Variants in CDK8 observed in about 807,000 individuals in gnomAD.
The protein encoded by CDK8 is cyclin dependent kinase 8, also known as cyclin-dependent kinase 8.
CDK8 carries 29 observed loss-of-function variants against 71.5 expected under a neutral mutation model. The ratio of observed to expected loss-of-function variants is 0.41; its 90% CI spans 0.30 to 0.55. CDK8 has a LOEUF of 0.55. Ranked by LOEUF, CDK8 falls within the 20% of genes least tolerant of loss-of-function variation. The probability of loss-of-function intolerance (pLI) is 0.37; values close to 1 mark genes in which losing one functional copy is unlikely to be tolerated. For missense variants in CDK8, 288 were observed against 572.6 expected, an observed-to-expected ratio of 0.50 and a Z score of 5.07; for synonymous variants, 161 against 192.1, an observed-to-expected ratio of 0.84 and a Z score of 1.34.
chr13:26,323,936 A>G (rs1300343815), intron 1 of CDK8, among the ~76,000 whole-genome samples: 2 of 152,180 alleles, frequency 1.3e-5, no homozygotes, highest in Non-Finnish European at 2.9e-5. Flanking sequence ...CATAGGAAAT[A>G]CACATGCTGT....
At chr13:26,315,863 T>C (rs1313000614) in intron 1 of CDK8, among the ~76,000 whole-genome samples, 1 of 152,244 alleles carries the variant, frequency 6.6e-6, no homozygotes, top group Non-Finnish European at 1.5e-5. Context: ...CTTGTCTCTT[T>C]CTATGAAACC....
At chr13:26,355,729 A>G in intron 4 of CDK8, among the ~76,000 whole-genome samples, 1 of 152,196 alleles carries the variant, frequency 6.6e-6, no homozygotes, top group Non-Finnish European at 1.5e-5. Flanking sequence ...AAGTTAGGGA[A>G]AAACATTTCT....
chr13:26,333,260 T>C (rs1170713188), intron 1 of CDK8, among the ~76,000 whole-genome samples: 2 of 152,062 alleles, frequency 1.3e-5, no homozygotes, highest in Middle Eastern at 6.8e-3. Context: ...CTACCTCAGC[T>C]TCCTGAGTAG....
intron 3 of CDK8, among the ~76,000 whole-genome samples, chr13:26,350,826 G>A (rs1873651554): frequency 6.6e-6 from 1 of 152,128 alleles, no homozygotes; most frequent in Middle Eastern, 3.2e-3. Flanking sequence ...TGTCTGAGTA[G>A]CTGAAATACA....
rs147005277 is a variant in CDK8, at chr13:26,314,992, G to A, written c.129-22575G>A. Among the ~76,000 whole-genome samples the A allele has an allele frequency of 8.1e-4, 123 of 151,512 alleles. 3 individuals carry two copies. The East Asian group carries it at 0.017, about 20-fold the overall frequency. On this transcript the variant is annotated intron_variant, in intron 1 of 12. Coordinates refer to ENST00000381527, the MANE Select transcript of CDK8 (RefSeq NM_001260.3). Reference sequence around the variant, plus strand: ...GGAGATATTAATGTCTTTTTTTTCAGTAGAGAATCTAAATTGATTTATCCC... The same window carrying A: ...GGAGATATTAATGTCTTTTTTTTCAATAGAGAATCTAAATTGATTTATCCC...
At chr13:26,351,069 T>A (rs1271997965) in intron 3 of CDK8, among the ~76,000 whole-genome samples, 1 of 152,142 alleles carries the variant, frequency 6.6e-6, no homozygotes, top group South Asian at 2.1e-4. Flanking sequence ...GACATTCTTA[T>A]CAATCTGTAT....
chr13:26,375,427 A>G (rs946094997), intron 4 of CDK8, among the ~76,000 whole-genome samples: 1 of 152,210 alleles, frequency 6.6e-6, no homozygotes, highest in African/African-American at 2.4e-5. Flanking sequence ...AAGATAGCCT[A>G]TCACTCTTAA....
chr13:26,397,149 T>C lies in CDK8; in HGVS notation c.861-4T>C. The C allele has an allele frequency of 6.5e-7, 1 of 1,547,406 alleles. No individual in the cohort carries two copies. Among genetic ancestry groups the C allele is most frequent in the South Asian group, 1.1e-5 (1 of 88,658 alleles). On this transcript the variant is annotated splice_polypyrimidine_tract_variant and splice_region_variant and intron_variant, in intron 8 of 12. Transcript: ENST00000381527. The stretch of plus-strand genomic sequence containing the variant: ...ATAGCTATTTCATAGTATTTCTCTT[T>C]CAGGTATACCAACTGCAGCCTTATC...
chr13:26,287,796 A>G (rs1873091922), intron 1 of CDK8, among the ~76,000 whole-genome samples: 1 of 152,226 alleles, frequency 6.6e-6, no homozygotes, highest in Non-Finnish European at 1.5e-5. Flanking sequence ...TAATAATACC[A>G]TATGACATGT....
chr13:26,391,773 A>T (rs775591753), intron 6 of CDK8, among the ~76,000 whole-genome samples: 1 of 152,228 alleles, frequency 6.6e-6, no homozygotes, highest in African/African-American at 2.4e-5. Context: ...TGGTTCTCTG[A>T]TATGTAAATA....
At chr13:26,283,436 C>T (rs546219174) in intron 1 of CDK8, among the ~76,000 whole-genome samples, 37 of 151,336 alleles carry the variant, frequency 2.4e-4, no homozygotes, top group African/African-American at 8.5e-4. Context: ...GGTGAAACTC[C>T]GTCTCTACTA....
intron 9 of CDK8, 124 bp from the exon 10 acceptor site, chr13:26,400,329 G>A: frequency 1.5e-6 from 1 of 660,138 alleles, no homozygotes; most frequent in Non-Finnish European, 2.7e-6. Flanking sequence ...TTGTTAATTT[G>A]GGGGAATAAA....
At chr13:26,389,136 G>C (rs191252827) in intron 6 of CDK8, among the ~76,000 whole-genome samples, 407 of 152,176 alleles carry the variant, frequency 2.7e-3, no homozygotes, top group Non-Finnish European at 4.8e-3. Context: ...TCGTCTCTTT[G>C]ATCTCTCTAA....
rs1165747881 is a variant in CDK8, at chr13:26,254,147, G to C, written c.-495G>C. Reference sequence around the variant, plus strand: ...TCTCTTTGAGGAGGTACCGGCTGTTGTGCGGCTCTGCCCTTCTGTTTGAGT... The same window carrying C: ...TCTCTTTGAGGAGGTACCGGCTGTTCTGCGGCTCTGCCCTTCTGTTTGAGT... On this transcript the variant is annotated 5_prime_UTR_variant, in exon 1 of 13. Transcript: ENST00000381527. The surrounding 1 kb of genome is among the most constrained non-coding windows in gnomAD (Gnocchi z 6.7). The C allele has an allele frequency of 4.3e-6, 1 of 231,376 alleles. No homozygotes were observed. Among genetic ancestry groups the C allele is most frequent in the Non-Finnish European group, 8.6e-6 (1 of 116,736 alleles). The allele number at this position is 231,376 out of a possible 1,614,324, so 14.3% of individuals were successfully genotyped here.
At chr13:26,333,085 T>C (rs1024294420) in intron 1 of CDK8, among the ~76,000 whole-genome samples, 2 of 152,186 alleles carry the variant, frequency 1.3e-5, no homozygotes, top group African/African-American at 4.8e-5. Flanking sequence ...CTGGTGATGC[T>C]ACTGTGCTGC....
intron 2 of CDK8, among the ~76,000 whole-genome samples, chr13:26,348,789 G>T (rs2137991370): frequency 1.3e-5 from 2 of 152,180 alleles, no homozygotes; most frequent in South Asian, 4.2e-4. Context: ...GATTAAAATG[G>T]TCTTTTTATG....
At chr13:26,291,497 A>G (rs1277441985) in intron 1 of CDK8, among the ~76,000 whole-genome samples, 1 of 152,176 alleles carries the variant, frequency 6.6e-6, no homozygotes, top group African/African-American at 2.4e-5. Flanking sequence ...CAGAATTTTT[A>G]AAAATCAATA....
intron 1 of CDK8, among the ~76,000 whole-genome samples, chr13:26,317,354 TC>T (rs146033317): frequency 0.013 from 2,026 of 152,266 alleles, 22 homozygotes; most frequent in Middle Eastern, 0.031. Context: ...GATAGACAGT[TC>T]TGTGATAATG....
Position 26,373,866 on chromosome 13 carries a change from TAAG to T in CDK8, c.457-8947_457-8945del, listed in dbSNP as rs1324791801. ...GGAAAAGAGATAGTGTGTGTTTTTT[TAAG>T]TATCAGAAGTGTTAAAAAATTTCAT... On this transcript the variant is annotated intron_variant, in intron 4 of 12. Transcript: ENST00000381527. Among the ~76,000 whole-genome samples, 3 of 152,042 alleles carry T rather than the reference TAAG, an allele frequency of 2.0e-5. No individual in the cohort carries two copies. In the South Asian group the frequency reaches 6.2e-4, roughly 32 times the overall value.
Sources: gnomAD v4.1 joint callset for allele counts (sites outside exome capture counted in the v4.1 genomes callset) on GRCh38, gnomAD v4.1.1 for gene constraint, Gnocchi (gnomAD v3.1) non-coding constraint, MANE v1.5 for transcripts, NCBI Gene and HGNC (gene_info 2026-07-23, HGNC 2026-07-21) for gene names.